Variants in PCDH7 observed in about 807,000 individuals in gnomAD.
PCDH7 encodes protocadherin 7.
PCDH7 carries 17 observed loss-of-function variants against 58.9 expected under a neutral mutation model. The observed-to-expected ratio is 0.29, with a 90% CI of 0.20 to 0.43. The LOEUF is 0.43. Ranked by LOEUF, PCDH7 falls within the 20% of genes least tolerant of loss-of-function variation. PCDH7 has a pLI of 1.00. For missense variants in PCDH7, 1,274 were observed against 1,441.0 expected (o/e 0.88, Z 1.88); for synonymous variants, 664 against 616.4 (o/e 1.08, Z -1.14).
chr4:30,748,786 A>C (rs1447363), intron 1 of PCDH7, among the ~76,000 whole-genome samples: 19,368 of 152,126 alleles, frequency 0.13, 1,659 homozygotes, highest in East Asian at 0.29. Context: ...TAAATTTGAT[A>C]ATGATGCACC....
At chr4:30,886,688 G>C (rs1737840590) in intron 1 of PCDH7, among the ~76,000 whole-genome samples, 1 of 151,284 alleles carries the variant, frequency 6.6e-6, no homozygotes. Flanking sequence ...GTTTATTGCG[G>C]CATTATTCAC....
At chr4:30,775,368 T>A (rs1721925283) in intron 1 of PCDH7, among the ~76,000 whole-genome samples, 1 of 152,190 alleles carries the variant, frequency 6.6e-6, no homozygotes, top group African/African-American at 2.4e-5. Flanking sequence ...ATATTGTATA[T>A]CTAAATATAT....
intron 1 of PCDH7, among the ~76,000 whole-genome samples, chr4:30,726,172 G>A (rs950524035): frequency 2.0e-5 from 3 of 151,976 alleles, no homozygotes; most frequent in East Asian, 1.9e-4. Context: ...TTGTAAACAA[G>A]GAAGATTCTA....
At chr4:30,940,709 A>G (rs1745924999) in intron 2 of PCDH7, among the ~76,000 whole-genome samples, 1 of 152,030 alleles carries the variant, frequency 6.6e-6, no homozygotes, top group Non-Finnish European at 1.5e-5. Context: ...GAGAAGGAAC[A>G]GGTCCTTTAC....
At chr4:31,088,032 G>A (rs756600391) in intron 3 of PCDH7, among the ~76,000 whole-genome samples, 1 of 151,932 alleles carries the variant, frequency 6.6e-6, no homozygotes, top group African/African-American at 2.4e-5. Context: ...AGGTATTTTA[G>A]GTGTAATGCC....
At chr4:30,815,585 A>G (rs117425589) in intron 1 of PCDH7, among the ~76,000 whole-genome samples, 1 of 152,294 alleles carries the variant, frequency 6.6e-6, no homozygotes, top group Admixed American at 6.5e-5. Context: ...GAGAGGACGC[A>G]TGCGCGGTGT....
chr4:30,768,528 C>G (rs1029721839), intron 1 of PCDH7, among the ~76,000 whole-genome samples: 2 of 152,126 alleles, frequency 1.3e-5, no homozygotes, highest in Non-Finnish European at 2.9e-5. Context: ...TGAGATTAAC[C>G]CCCTGTGATT....
At chr4:30,740,699 T>C (rs1288432896) in intron 1 of PCDH7, among the ~76,000 whole-genome samples, 1 of 152,096 alleles carries the variant, frequency 6.6e-6, no homozygotes, top group Non-Finnish European at 1.5e-5. Flanking sequence ...TTTTAATCTT[T>C]CACAATGTTT....
At chr4:30,749,281 T>TTCATAAC (rs1718183372) in intron 1 of PCDH7, among the ~76,000 whole-genome samples, 1 of 152,202 alleles carries the variant, frequency 6.6e-6, no homozygotes, top group African/African-American at 2.4e-5. Context: ...CTGCTTTGAA[T>TTCATAAC]TCATAACTTT....
intron 3 of PCDH7, among the ~76,000 whole-genome samples, chr4:31,000,848 A>G (rs1311760408): frequency 6.6e-6 from 1 of 152,128 alleles, no homozygotes; most frequent in African/African-American, 2.4e-5. Flanking sequence ...TGGTGACAAA[A>G]TGGAGGAGCT....
chr4:31,135,744 A>G (rs1578890262), intron 3 of PCDH7, among the ~76,000 whole-genome samples: 1 of 152,348 alleles, frequency 6.6e-6, no homozygotes. Context: ...TTTCTATAGT[A>G]AAACATATGA....
intron 1 of PCDH7, among the ~76,000 whole-genome samples, chr4:30,841,070 A>G (rs1307887057): frequency 6.6e-6 from 1 of 152,138 alleles, no homozygotes; most frequent in African/African-American, 2.4e-5. Flanking sequence ...TGATCTTGAT[A>G]TATATATCTC....
At chr4:30,881,253 G>C (rs1424283518) in intron 1 of PCDH7, among the ~76,000 whole-genome samples, 1 of 151,962 alleles carries the variant, frequency 6.6e-6, no homozygotes, top group Non-Finnish European at 1.5e-5. Flanking sequence ...CTTAAAAACT[G>C]TAAGTTTCAA....
chr4:30,995,477 A>C (rs1416028682), intron 3 of PCDH7, among the ~76,000 whole-genome samples: 2 of 151,478 alleles, frequency 1.3e-5, no homozygotes. Flanking sequence ...GTGCCACTGC[A>C]CTCCAGCCTG....
At chr4:30,853,246 C>T (rs116419536) in intron 1 of PCDH7, among the ~76,000 whole-genome samples, 3 of 152,082 alleles carry the variant, frequency 2.0e-5, no homozygotes, top group Non-Finnish European at 4.4e-5. Context: ...CTAACTTTAC[C>T]TAGTGTTAAT....
intron 3 of PCDH7, among the ~76,000 whole-genome samples, chr4:31,061,163 A>C (rs1757662566): frequency 6.6e-6 from 1 of 151,708 alleles, no homozygotes; most frequent in Admixed American, 6.6e-5. Flanking sequence ...TTTACAAGGA[A>C]GTTTTAAATT....
chr4:30,745,567 C>A (rs1000970591), intron 1 of PCDH7, among the ~76,000 whole-genome samples: 2 of 152,064 alleles, frequency 1.3e-5, no homozygotes, highest in Non-Finnish European at 2.9e-5. Flanking sequence ...CTAATAAAGG[C>A]ACTCATGTGG....
At chr4:30,808,536 T>A (rs1035568187) in intron 1 of PCDH7, among the ~76,000 whole-genome samples, 15 of 152,180 alleles carry the variant, frequency 9.9e-5, no homozygotes, top group Admixed American at 6.5e-4. Flanking sequence ...TAATGATATT[T>A]CTAAGTAAAT....
intron 1 of PCDH7, among the ~76,000 whole-genome samples, chr4:30,867,305 A>G (rs899785797): frequency 6.6e-6 from 1 of 152,096 alleles, no homozygotes; most frequent in African/African-American, 2.4e-5. Flanking sequence ...CCGTCTTAGT[A>G]TTTCCCACAG....
Sources: gnomAD v4.1 joint callset for allele counts (sites outside exome capture counted in the v4.1 genomes callset) on GRCh38, gnomAD v4.1.1 for gene constraint, MANE v1.5 for transcripts, NCBI Gene and HGNC (gene_info 2026-07-23, HGNC 2026-07-21) for gene names.